SIRPA: variants seen among roughly 807,000 people sequenced by gnomAD.
SIRPA encodes the protein signal regulatory protein alpha.
In SIRPA, 9 loss-of-function variants were observed where a neutral mutation model predicts 50.3. The observed-to-expected ratio is 0.18, with a 90% CI of 0.11 to 0.31. SIRPA has a LOEUF of 0.31. Ranked by LOEUF, SIRPA falls within the 10% of genes least tolerant of loss-of-function variation. The pLI is 1.00. For synonymous variants in SIRPA, 265 were observed against 284.1 expected (o/e 0.93, Z 0.68); for missense variants, 474 against 661.6 (o/e 0.72, Z 3.11).
rs762317530 is a variant in SIRPA at position 1,927,948 on chromosome 20, T to C, written c.1226+49T>C. 1.3e-6 allele frequency: 2 copies of C among 1,518,994 alleles called. No individual in the cohort carries two copies. Among genetic ancestry groups the C allele is most frequent in the South Asian group, 1.1e-5 (1 of 89,132 alleles). The allele number at this position is 1,518,994 out of a possible 1,614,324, so 94.1% of individuals were successfully genotyped here. A position where few individuals can be genotyped will look rare whatever the true frequency, so the allele number is the denominator to read the frequency against. On this transcript the variant is annotated intron_variant, in intron 6 of 7. Transcript: ENST00000358771. This position sits in a 1 kb window ranked among gnomAD's most constrained non-coding sequence, Gnocchi z 6.5. ...CCTCTTGCAGTTATTATTTGGTTAT[T>C]TGACAGCCCCCCAGACTACAAAGCA...
At position 1,930,449 on chromosome 20, in the gene SIRPA, A is replaced by G. The variant is rs146285086; in HGVS notation, c.1226+2550A>G. On this transcript the variant is annotated intron_variant, in intron 6 of 7. Coordinates refer to ENST00000358771, the MANE Select transcript of SIRPA (RefSeq NM_001040023.2). The stretch of plus-strand genomic sequence containing the variant: ...ACTGAACAAGTGAACAAACGAATGA[A>G]TGAATGGATCAGTGCATACCATCCT... Among the ~76,000 whole-genome samples, 4 of 152,356 alleles carry G rather than the reference A, an allele frequency of 2.6e-5. No individual in the cohort carries two copies. In the East Asian group the frequency reaches 7.7e-4, roughly 29 times the overall value.
chr20:1,901,249 C>T (rs1984190295), intron 1 of SIRPA, among the ~76,000 whole-genome samples: 1 of 143,562 alleles, frequency 7.0e-6, no homozygotes, highest in Non-Finnish European at 1.5e-5. Context: ...CGGCTCACTG[C>T]AGCCTCTGCC....
intron 5 of SIRPA, among the ~76,000 whole-genome samples, chr20:1,926,098 T>C (rs1356233116): frequency 6.6e-6 from 1 of 152,222 alleles, no homozygotes; most frequent in Non-Finnish European, 1.5e-5. Flanking sequence ...ATCCCTTCAG[T>C]AGCTCCTTCA....
rs140337449 is a variant in SIRPA, at chr20:1,906,808, A to G, written c.80-8291A>G. Among the ~76,000 whole-genome samples the G allele has an allele frequency of 1.1e-3, 174 of 152,304 alleles. 1 individual carries two copies. Among genetic ancestry groups the G allele is most frequent in the African/African-American group, 4.1e-3 (170 of 41,564 alleles). On this transcript the variant is annotated intron_variant, in intron 1 of 7. Coordinates refer to ENST00000358771, the MANE Select transcript of SIRPA (RefSeq NM_001040023.2). ...TGGAGGTTCAGTCAGGGTGGTAAGA[A>G]GAGGTCAGGGTCTGGCCATGTGTTG...
At chr20:1,905,323 G>T (rs1055228419) in intron 1 of SIRPA, among the ~76,000 whole-genome samples, 1 of 152,274 alleles carries the variant, frequency 6.6e-6, no homozygotes, top group Non-Finnish European at 1.5e-5. Context: ...AGGGAGAGGC[G>T]ATCGCATGGG....
rs1208942991 is a variant in SIRPA at position 1,927,125 on chromosome 20, C to A, written c.1202-750C>A. Among the ~76,000 whole-genome samples the A allele has an allele frequency of 6.6e-6, 1 of 152,246 alleles. No individual in the cohort carries two copies. Among genetic ancestry groups the A allele is most frequent in the Admixed American group, 6.5e-5 (1 of 15,292 alleles). On this transcript the variant is annotated intron_variant, in intron 5 of 7. Transcript: ENST00000358771. This position sits in a 1 kb window ranked among gnomAD's most constrained non-coding sequence, Gnocchi z 6.5. Reference sequence around the variant, plus strand: ...GCCCAGGCAGCAAGCGTTAACCCAGCAGCAAGAATTCTTGCACTGTGGCAG... The same window carrying A: ...GCCCAGGCAGCAAGCGTTAACCCAGAAGCAAGAATTCTTGCACTGTGGCAG...
At chr20:1,894,291 C>T (rs1983624205), upstream of SIRPA, 1 of 152,140 alleles carries the variant, frequency 6.6e-6, no homozygotes, top group Non-Finnish European at 1.5e-5. The surrounding 1 kb of genome is among the most constrained non-coding windows in gnomAD (Gnocchi z 4.0). Context: ...ACTCCTTCGC[C>T]GCCTCCAGCC....
At chr20:1,904,773 CT>C in intron 1 of SIRPA, among the ~76,000 whole-genome samples, 1 of 152,308 alleles carries the variant, frequency 6.6e-6, no homozygotes, top group Middle Eastern at 3.4e-3. Context: ...GACCGGGAGG[CT>C]TGGCTCGGCT....
At chr20:1,895,173 G>A (rs1016028882), upstream of SIRPA, 12 of 332,536 alleles carry the variant, frequency 3.6e-5, no homozygotes, top group Admixed American at 2.1e-4. Context: ...TCTCTCTCCT[G>A]CCGCCTCTCT....
rs1026175471 is a variant in SIRPA, at chr20:1,934,217, T to C, written c.1227-498T>C. On this transcript the variant is annotated intron_variant, in intron 6 of 7. Transcript: ENST00000358771. The surrounding 1 kb of genome is among the most constrained non-coding windows in gnomAD (Gnocchi z 4.6). ...TCCTAATTTCCCTAACCAGTCCCAA[T>C]TGGCAGAGCCCTAAGACATAAACCT... Among the ~76,000 whole-genome samples, 2 of 152,220 alleles carry C rather than the reference T, an allele frequency of 1.3e-5. No individual in the cohort carries two copies. Among genetic ancestry groups the C allele is most frequent in the African/African-American group, 4.8e-5 (2 of 41,456 alleles).
chr20:1,930,245 G>A (rs1986223687), intron 6 of SIRPA, among the ~76,000 whole-genome samples: 1 of 152,196 alleles, frequency 6.6e-6, no homozygotes, highest in African/African-American at 2.4e-5. Context: ...AGGGCTTCCT[G>A]TGAACCCTCC....
At chr20:1,909,303 C>T (rs1161958282) in intron 1 of SIRPA, among the ~76,000 whole-genome samples, 4 of 152,224 alleles carry the variant, frequency 2.6e-5, no homozygotes, top group Admixed American at 6.5e-5. Context: ...GATGGGCAAG[C>T]TCCCATGCAG....
rs1189484110 is a variant in SIRPA at position 1,937,135 on chromosome 20, T to G, written c.1267-185T>G. 2.6e-5 allele frequency among the ~76,000 whole-genome samples: 4 copies of G among 151,628 alleles called. No individual in the cohort carries two copies. Among genetic ancestry groups the G allele is most frequent in the Non-Finnish European group, 4.4e-5 (3 of 67,932 alleles). On this transcript the variant is annotated intron_variant, in intron 7 of 7. Coordinates refer to ENST00000358771, the MANE Select transcript of SIRPA (RefSeq NM_001040023.2). The surrounding 1 kb of genome is among the most constrained non-coding windows in gnomAD (Gnocchi z 8.3). ...CAGGCAGGGTGAGGAGGAGGGCAGA[T>G]GGGAAGGGGCAAGGCTGGAGGCAAG...
At chr20:1,912,220 C>G (rs973749479) in intron 1 of SIRPA, among the ~76,000 whole-genome samples, 1 of 152,226 alleles carries the variant, frequency 6.6e-6, no homozygotes, top group Non-Finnish European at 1.5e-5. Context: ...AAGAATAGCC[C>G]TGCTCCAACA....
In SIRPA at chr20:1,922,495, A is replaced by T. The variant is rs1252632302; in HGVS notation, c.937A>T (p.Met313Leu). ...TENKDGTYNW[M>L]SWLLVNVSAH... ...GAACAAGGATGGTACCTACAACTGG[A>T]TGAGCTGGCTCCTGGTGAATGTATC... The change falls in exon 4 of 8, where the codon ATG (methionine) becomes TTG (leucine). Residue 313 changes from methionine to leucine, a missense_variant. Around this residue, in one of 4 missense-constraint regions of SIRPA, gnomAD observed 221 missense variants for 359.9 expected, o/e 0.61. Transcript: ENST00000358771. 1 of 1,614,088 alleles carries T rather than the reference A, an allele frequency of 6.2e-7. No homozygotes were observed. The highest frequency in any genetic ancestry group is 2.2e-5 in the East Asian group (1 of 44,874).
intron 1 of SIRPA, among the ~76,000 whole-genome samples, chr20:1,910,975 A>G (rs953836974): frequency 2.0e-5 from 3 of 152,222 alleles, no homozygotes; most frequent in Admixed American, 1.3e-4. Context: ...GCAAAATCCC[A>G]TGTAAATCTA....
chr20:1,903,622 C>T (rs1401670786), intron 1 of SIRPA, among the ~76,000 whole-genome samples: 6 of 152,210 alleles, frequency 3.9e-5, no homozygotes, highest in African/African-American at 1.4e-4. Context: ...CTCCTGCCTC[C>T]TTGGGCTTCA....
chr20:1,934,635 C>T lies in SIRPA; in HGVS notation c.1227-80C>T, dbSNP rs1256624360. 1 of 1,406,584 alleles carries T rather than the reference C, an allele frequency of 7.1e-7. No individual in the cohort carries two copies. Among genetic ancestry groups the T allele is most frequent in the Non-Finnish European group, 1.0e-6 (1 of 994,036 alleles). The allele number at this position is 1,406,584 out of a possible 1,614,324, so 87.1% of individuals were successfully genotyped here. On this transcript the variant is annotated intron_variant, in intron 6 of 7. Transcript: ENST00000358771. This position sits in a 1 kb window ranked among gnomAD's most constrained non-coding sequence, Gnocchi z 4.6. ...CCTCAACCCATATAGAAAATGGAGC[C>T]TAAATGTTATTCTTATCAGTTTGCA...
At chr20:1,912,199 G>T (rs1380896842) in intron 1 of SIRPA, among the ~76,000 whole-genome samples, 1 of 152,052 alleles carries the variant, frequency 6.6e-6, no homozygotes, top group Non-Finnish European at 1.5e-5. Context: ...ACAGGCCTCC[G>T]GCTGCACCAC....
Sources: gnomAD v4.1 joint callset for allele counts (sites outside exome capture counted in the v4.1 genomes callset) on GRCh38, gnomAD v4.1.1 for gene constraint, gnomAD v4.1.1 regional missense constraint, Gnocchi (gnomAD v3.1) non-coding constraint, MANE v1.5 for transcripts, NCBI Gene and HGNC (gene_info 2026-07-23, HGNC 2026-07-21) for gene names.